Variants in ADARB2 observed in about 807,000 individuals in gnomAD.
ADARB2 encodes inactive double-stranded RNA-specific editase B2.
In ADARB2, 25 loss-of-function variants were observed where a neutral mutation model predicts 62.2. That is an observed-to-expected ratio of 0.40 (90% CI 0.29 to 0.56). The LOEUF (loss-of-function observed/expected upper bound fraction) is 0.56. ADARB2 is among the 20% of genes least tolerant of loss of function. The probability of loss-of-function intolerance (pLI) is 0.43; values close to 1 mark genes in which losing one functional copy is unlikely to be tolerated. For synonymous variants in ADARB2, 572 were observed against 500.8 expected, an observed-to-expected ratio of 1.14 and a Z score of -1.90; for missense variants, 1,071 against 1,077.4, an observed-to-expected ratio of 0.99 and a Z score of 0.08.
rs1440841515 is a variant in ADARB2, at chr10:1,572,055, G to GT, written c.100+164995_100+164996insA. On this transcript the variant is annotated intron_variant, in intron 1 of 9. Coordinates refer to ENST00000381312, the MANE Select transcript of ADARB2 (RefSeq NM_018702.4). ...AGTGAGTGTGCAGGTGAGTGGACAG[G>GT]GGAGTGTGCAGGTGAGTGGACAGGT... 1.4e-3 allele frequency among the ~76,000 whole-genome samples: 206 copies of GT among 147,304 alleles called. 2 individuals carry two copies. The highest frequency in any genetic ancestry group is 1.9e-3 in the Non-Finnish European group (130 of 67,016).
At chr10:1,452,020 C>T (rs903547028) in intron 1 of ADARB2, among the ~76,000 whole-genome samples, 9 of 152,140 alleles carry the variant, frequency 5.9e-5, no homozygotes, top group Admixed American at 1.3e-4. Context: ...CTAGGAATCA[C>T]GGATGTGGAG....
intron 1 of ADARB2, among the ~76,000 whole-genome samples, chr10:1,547,119 C>A (rs559435487): frequency 1.4e-4 from 21 of 152,344 alleles, no homozygotes; most frequent in Non-Finnish European, 2.4e-4. Flanking sequence ...TGTCGGTCAC[C>A]ACTCTGTGTG....
At chr10:1,549,030 A>G (rs1224824298) in intron 1 of ADARB2, among the ~76,000 whole-genome samples, 4 of 152,176 alleles carry the variant, frequency 2.6e-5, no homozygotes, top group Non-Finnish European at 1.5e-5. Context: ...CAACTACAAG[A>G]TGCTAAAAGA....
chr10:1,462,263 A>G (rs911092788), intron 1 of ADARB2, among the ~76,000 whole-genome samples: 1 of 151,616 alleles, frequency 6.6e-6, no homozygotes, highest in Non-Finnish European at 1.5e-5. Flanking sequence ...CCCTTATGTC[A>G]CCTGTGTGTG....
intron 1 of ADARB2, among the ~76,000 whole-genome samples, chr10:1,484,688 G>A (rs1380564818): frequency 2.6e-5 from 4 of 151,722 alleles, no homozygotes; most frequent in South Asian, 4.3e-4. Context: ...GTATGCAGGT[G>A]AGGAGGCACA....
Position 1,363,494 on chromosome 10 carries a change from C to T in ADARB2, c.611G>A (p.Gly204Glu), listed in dbSNP as rs1233956265. 3 of 1,514,256 alleles carry T rather than the reference C, an allele frequency of 2.0e-6. No individual in the cohort carries two copies. The highest frequency in any genetic ancestry group is 2.6e-6 in the Non-Finnish European group (3 of 1,135,854). The allele number at this position is 1,514,256 out of a possible 1,614,324, so 93.8% of individuals were successfully genotyped here. Residue 204 changes from glycine to glutamate, a missense_variant, in exon 3 of 10, where the codon GGG becomes GAG. Coordinates refer to ENST00000381312, the MANE Select transcript of ADARB2 (RefSeq NM_018702.4). ...GAAGTCCGTGCCGGGGCCCGGGCCC[C>T]CGCCCATGGCCAGGTGCGCCTGGCA... is the stretch of plus-strand genomic sequence containing the variant. ...NACQAHLAMG[G>E]GPGPGTDFTS...
chr10:1,614,963 G>A (rs1266723600), intron 1 of ADARB2, among the ~76,000 whole-genome samples: 1 of 152,076 alleles, frequency 6.6e-6, no homozygotes, highest in Non-Finnish European at 1.5e-5. Flanking sequence ...ACATAAACTG[G>A]TCTCAGGGGT....
At chr10:1,590,402 G>A (rs982808754) in intron 1 of ADARB2, among the ~76,000 whole-genome samples, 18 of 152,116 alleles carry the variant, frequency 1.2e-4, no homozygotes, top group Admixed American at 6.5e-4. Context: ...ATGGGTTCTC[G>A]TTGATTTTTA....
intron 1 of ADARB2, among the ~76,000 whole-genome samples, chr10:1,485,274 A>G (rs1319318522): frequency 2.0e-5 from 3 of 152,022 alleles, no homozygotes. Context: ...TTGTAGGTGT[A>G]CTTGGAGGTA....
rs1366811328 is a variant in ADARB2 at position 1,421,278 on chromosome 10, CA to C, written c.101-42119del. ...TTTGTCTGCTGCTTGGTTTGTGGGA[CA>C]GGTGGCTGGTCAGGATCTGCAGGAC... is the stretch of plus-strand genomic sequence containing the variant. On this transcript the variant is annotated intron_variant, in intron 1 of 9. Transcript: ENST00000381312. Among the ~76,000 whole-genome samples the C allele has an allele frequency of 2.6e-5, 4 of 151,886 alleles. No individual in the cohort carries two copies. In the South Asian group the frequency reaches 6.2e-4, roughly 24 times the overall value.
At chr10:1,407,704 G>A (rs952092279) in intron 1 of ADARB2, among the ~76,000 whole-genome samples, 10 of 152,164 alleles carry the variant, frequency 6.6e-5, no homozygotes, top group Non-Finnish European at 1.3e-4. Context: ...GATGAGTGAC[G>A]GTGTTCTGAG....
chr10:1,357,006 TC>T (rs1323639382), intron 3 of ADARB2, among the ~76,000 whole-genome samples: 2 of 152,162 alleles, frequency 1.3e-5, no homozygotes, highest in Non-Finnish European at 2.9e-5. Context: ...TCAGGAGGGT[TC>T]TTCTAGGGCC....
chr10:1,375,972 T>G (rs1832425031), intron 2 of ADARB2, among the ~76,000 whole-genome samples: 1 of 149,636 alleles, frequency 6.7e-6, no homozygotes, highest in African/African-American at 2.5e-5. Flanking sequence ...CACACACATG[T>G]GCACACACAC....
intron 6 of ADARB2, among the ~76,000 whole-genome samples, chr10:1,224,584 C>T (rs1036800271): frequency 5.3e-5 from 8 of 152,178 alleles, no homozygotes; most frequent in African/African-American, 1.9e-4. Context: ...TTTCCCTCTA[C>T]ACACTGCTTC....
intron 1 of ADARB2, among the ~76,000 whole-genome samples, chr10:1,633,924 C>A (rs542355037): frequency 6.6e-6 from 1 of 152,228 alleles, no homozygotes; most frequent in African/African-American, 2.4e-5. Flanking sequence ...CATGTCCAGG[C>A]GACCCGCCAT....
intron 1 of ADARB2, among the ~76,000 whole-genome samples, chr10:1,714,812 T>C (rs545770986): frequency 6.6e-6 from 1 of 152,318 alleles, no homozygotes; most frequent in East Asian, 1.9e-4. Context: ...AACCAGCTAC[T>C]CAAAAGCCAG....
intron 1 of ADARB2, among the ~76,000 whole-genome samples, chr10:1,647,814 A>G (rs1427107680): frequency 2.0e-5 from 3 of 148,858 alleles, no homozygotes; most frequent in African/African-American, 7.4e-5. Context: ...GTGTGTGTGT[A>G]TGCATGTGTG....
At chr10:1,353,173 C>T (rs1832160399) in intron 3 of ADARB2, among the ~76,000 whole-genome samples, 1 of 152,180 alleles carries the variant, frequency 6.6e-6, no homozygotes, top group African/African-American at 2.4e-5. Context: ...CTCTTAAGTC[C>T]CTCTTAGAGT....
At chr10:1,396,336 GC>G (rs1330754730) in intron 1 of ADARB2, among the ~76,000 whole-genome samples, 1 of 152,116 alleles carries the variant, frequency 6.6e-6, no homozygotes, top group Non-Finnish European at 1.5e-5. Flanking sequence ...ACGGGTGGGC[GC>G]CCACGCCTCG....
Sources: allele counts gnomAD v4.1 joint callset (sites outside exome capture counted in the v4.1 genomes callset), GRCh38; gene constraint gnomAD v4.1.1; transcripts MANE v1.5; gene names NCBI Gene and HGNC (gene_info 2026-07-23, HGNC 2026-07-21).